The following TMEM132C variants were observed in gnomAD, a reference collection of about 807,000 sequenced individuals.
The protein encoded by TMEM132C is transmembrane protein 132C.
TMEM132C carries 29 observed loss-of-function variants against 61.4 expected under a neutral mutation model. The observed-to-expected ratio is 0.47, with a 90% CI of 0.35 to 0.64. The LOEUF is 0.64. Ranked by LOEUF, TMEM132C falls within the 30% of genes least tolerant of loss-of-function variation. The pLI is 0.00. For synonymous variants in TMEM132C, 656 were observed against 633.1 expected (o/e 1.04, Z -0.54); for missense variants, 1,408 against 1,476.9 (o/e 0.95, Z 0.76).
chr12:128,499,316 G>C (rs1408886213), intron 2 of TMEM132C, among the ~76,000 whole-genome samples: 2 of 152,174 alleles, frequency 1.3e-5, no homozygotes, highest in Admixed American at 6.5e-5. Flanking sequence ...AGGTACATGT[G>C]ATGTTTTGAT....
At chr12:128,411,606 T>C (rs545520386) in intron 1 of TMEM132C, among the ~76,000 whole-genome samples, 2 of 152,294 alleles carry the variant, frequency 1.3e-5, no homozygotes, top group Admixed American at 1.3e-4. Context: ...AGGTTCTTCT[T>C]GTACTAGGAA....
At chr12:128,527,707 A>ATGTGTG (rs5801799) in intron 2 of TMEM132C, among the ~76,000 whole-genome samples, 2,610 of 147,170 alleles carry the variant, frequency 0.018, 22 homozygotes, top group East Asian at 0.038. Flanking sequence ...ATGTGCATGT[A>ATGTGTG]TGTGTGTGTG....
intron 4 of TMEM132C, among the ~76,000 whole-genome samples, chr12:128,669,078 C>T (rs1020122079): frequency 6.6e-6 from 1 of 152,168 alleles, no homozygotes; most frequent in African/African-American, 2.4e-5. Context: ...TCAAGGTACC[C>T]AGGGTTAGTT....
At chr12:128,658,363 T>C (rs1341301228) in intron 4 of TMEM132C, among the ~76,000 whole-genome samples, 3 of 152,264 alleles carry the variant, frequency 2.0e-5, no homozygotes, top group African/African-American at 7.2e-5. Flanking sequence ...ACTGGACCTT[T>C]CTTCCCCCTA....
chr12:128,462,998 C>T (rs1455457196), intron 2 of TMEM132C, among the ~76,000 whole-genome samples: 1 of 152,162 alleles, frequency 6.6e-6, no homozygotes, highest in Non-Finnish European at 1.5e-5. Context: ...CTGCCATGCA[C>T]TTGGTGTCTG....
chr12:128,558,798 G>A (rs1345963563), intron 3 of TMEM132C, among the ~76,000 whole-genome samples: 1 of 152,236 alleles, frequency 6.6e-6, no homozygotes, highest in Admixed American at 6.5e-5. Context: ...GAGGGCACCT[G>A]GTGATTGACT....
At chr12:128,393,594 G>T (rs1874840818) in intron 1 of TMEM132C, among the ~76,000 whole-genome samples, 1 of 152,170 alleles carries the variant, frequency 6.6e-6, no homozygotes. Context: ...GCTTTCTTCT[G>T]TGACAGGAAG....
At chr12:128,466,512 C>T (rs1179053666) in intron 2 of TMEM132C, among the ~76,000 whole-genome samples, 1 of 152,148 alleles carries the variant, frequency 6.6e-6, no homozygotes. Flanking sequence ...GACTTTTTTG[C>T]ACCTGGAGGG....
At chr12:128,593,239 G>A (rs893261001) in intron 3 of TMEM132C, among the ~76,000 whole-genome samples, 9 of 117,988 alleles carry the variant, frequency 7.6e-5, no homozygotes, top group Non-Finnish European at 1.0e-4. Flanking sequence ...TTCTCTTTCT[G>A]TCCTTTCTTA....
chr12:128,469,330 CT>C (rs11463008), intron 2 of TMEM132C, among the ~76,000 whole-genome samples: 7,821 of 135,322 alleles, frequency 0.058, 190 homozygotes, highest in Admixed American at 0.096. Flanking sequence ...ATAAAGCATG[CT>C]TTTTTTTTTT....
At chr12:128,333,662 TG>T (rs1872721244) in intron 1 of TMEM132C, among the ~76,000 whole-genome samples, 1 of 151,506 alleles carries the variant, frequency 6.6e-6, no homozygotes, top group Non-Finnish European at 1.5e-5. Flanking sequence ...GAGTTTATGG[TG>T]TGTGTGGTGT....
intron 1 of TMEM132C, among the ~76,000 whole-genome samples, chr12:128,332,859 C>T (rs1173881146): frequency 1.3e-5 from 2 of 152,230 alleles, no homozygotes; most frequent in African/African-American, 4.8e-5. Context: ...TTGCCAAGTG[C>T]CCTGGGGTCT....
At chr12:128,329,326 C>G (rs961240779) in intron 1 of TMEM132C, among the ~76,000 whole-genome samples, 17 of 151,998 alleles carry the variant, frequency 1.1e-4, no homozygotes, top group African/African-American at 3.6e-4. Context: ...TCTAAGTAAA[C>G]TCTGTCCGGG....
intron 3 of TMEM132C, among the ~76,000 whole-genome samples, chr12:128,547,646 A>G (rs1874005316): frequency 6.6e-6 from 1 of 151,988 alleles, no homozygotes; most frequent in Middle Eastern, 3.2e-3. Context: ...TGGAAGCTGC[A>G]ACTGTGTTTT....
chr12:128,395,016 T>G (rs1371566691), intron 1 of TMEM132C, among the ~76,000 whole-genome samples: 1 of 152,062 alleles, frequency 6.6e-6, no homozygotes, highest in Non-Finnish European at 1.5e-5. Context: ...GATTTACTAT[T>G]TATAATTTTT....
At chr12:128,695,239 G>A (rs887312308) in intron 6 of TMEM132C, among the ~76,000 whole-genome samples, 32 of 152,178 alleles carry the variant, frequency 2.1e-4, no homozygotes, top group African/African-American at 7.5e-4. Context: ...TAACATTAGG[G>A]CTGGGTGTGG....
chr12:128,364,330 C>G (rs544829171), intron 1 of TMEM132C, among the ~76,000 whole-genome samples: 1 of 150,924 alleles, frequency 6.6e-6, no homozygotes, highest in African/African-American at 2.4e-5. Flanking sequence ...TCCCCGCCCC[C>G]GCATCATTCT....
At chr12:128,510,881 T>C (rs1269739405) in intron 2 of TMEM132C, among the ~76,000 whole-genome samples, 1 of 152,218 alleles carries the variant, frequency 6.6e-6, no homozygotes, top group Non-Finnish European at 1.5e-5. Flanking sequence ...TGCTCATTGC[T>C]TCCCAGACTG....
rs550817917 is a variant in TMEM132C at position 128,561,102 on chromosome 12, C to T, written c.1121+16999C>T. Among the ~76,000 whole-genome samples, 8 of 152,346 alleles carry T rather than the reference C, an allele frequency of 5.3e-5. 1 individual carries two copies. The South Asian group carries it at 1.7e-3, about 32-fold the overall frequency. Reference sequence around the variant, plus strand: ...CTTCCCCCAGACCTCCCTGCCAGCTCTCCTCCTCTCAACAGCTGTGATAAA... The same window carrying T: ...CTTCCCCCAGACCTCCCTGCCAGCTTTCCTCCTCTCAACAGCTGTGATAAA... On this transcript the variant is annotated intron_variant, in intron 3 of 8. Transcript: ENST00000435159.
Sources: allele counts gnomAD v4.1 joint callset (sites outside exome capture counted in the v4.1 genomes callset), GRCh38; gene constraint gnomAD v4.1.1; transcripts MANE v1.5; gene names NCBI Gene and HGNC (gene_info 2026-07-23, HGNC 2026-07-21).